RBFOX1: variants seen among roughly 807,000 people sequenced by gnomAD.
The protein encoded by RBFOX1 is RNA binding fox-1 homolog 1, also known as RNA binding protein fox-1 homolog 1.
A neutral mutation model predicts 57.7 loss-of-function variants in RBFOX1; 8 were observed. That is an observed-to-expected ratio of 0.14 (90% CI 0.08 to 0.25). RBFOX1 has a LOEUF of 0.25. Among genes scored for constraint, RBFOX1 ranks in the 10% least tolerant of loss-of-function variants. RBFOX1 has a pLI of 1.00. For missense variants in RBFOX1, 611 were observed against 548.5 expected (o/e 1.11, Z -1.14); for synonymous variants, 326 against 222.4 (o/e 1.47, Z -4.15).
chr16:7,135,815 G>T (rs950732082), intron 4 of RBFOX1, among the ~76,000 whole-genome samples: 1 of 152,164 alleles, frequency 6.6e-6, no homozygotes, highest in South Asian at 2.1e-4. Context: ...CTTATTTCTA[G>T]TCTTTTTGAC....
chr16:7,335,831 A>C (rs528011304), intron 4 of RBFOX1, among the ~76,000 whole-genome samples: 21 of 152,154 alleles, frequency 1.4e-4, no homozygotes, highest in African/African-American at 4.1e-4. Context: ...CCATTATTTT[A>C]TGTCTACACT....
chr16:6,702,307 A>G (rs995667552), intron 3 of RBFOX1, among the ~76,000 whole-genome samples: 3 of 152,172 alleles, frequency 2.0e-5, no homozygotes, highest in African/African-American at 7.2e-5. Context: ...TAAACCCAGT[A>G]CTTTGGAAGG....
chr16:5,752,320 C>G (rs78719975), intron 3 of RBFOX1, among the ~76,000 whole-genome samples: 1,885 of 152,238 alleles, frequency 0.012, 38 homozygotes, highest in African/African-American at 0.04. Flanking sequence ...GGAAAAACAA[C>G]TAATAGATAC....
intron 4 of RBFOX1, among the ~76,000 whole-genome samples, chr16:7,090,014 G>T (rs1159744291): frequency 6.6e-6 from 1 of 151,946 alleles, no homozygotes; most frequent in African/African-American, 2.4e-5. Flanking sequence ...AGGTTGGAGG[G>T]GTTTTCCATT....
intron 2 of RBFOX1, among the ~76,000 whole-genome samples, chr16:5,569,466 TTCTTC>T (rs2046200060): frequency 1.2e-5 from 1 of 82,866 alleles, no homozygotes; most frequent in Admixed American, 1.5e-4. Context: ...TTTTTTTTTT[TTCTTC>T]TTCTTTTTGG....
chr16:7,513,558 G>T (rs999593101), intron 4 of RBFOX1, among the ~76,000 whole-genome samples: 21 of 152,184 alleles, frequency 1.4e-4, no homozygotes, highest in South Asian at 4.1e-4. Context: ...CGTATACTCT[G>T]TAAGATGTTT....
chr16:6,276,936 C>A (rs1388141706), intron 1 of RBFOX1, among the ~76,000 whole-genome samples: 1 of 151,968 alleles, frequency 6.6e-6, no homozygotes, highest in Non-Finnish European at 1.5e-5. Context: ...TGCCACAGGA[C>A]AAGTGGTCAG....
intron 12 of RBFOX1, among the ~76,000 whole-genome samples, chr16:7,656,894 T>C (rs2066451575): frequency 6.6e-6 from 1 of 152,028 alleles, no homozygotes; most frequent in Non-Finnish European, 1.5e-5. Flanking sequence ...AAATATGGGG[T>C]ATATATAAGT....
At position 6,283,694 on chromosome 16, in the gene RBFOX1, C is replaced by T. The variant is rs994719013; in HGVS notation, c.-126-33301C>T. On this transcript the variant is annotated intron_variant, in intron 1 of 15. Coordinates refer to ENST00000550418, the MANE Select transcript of RBFOX1 (RefSeq NM_018723.4). ...TAGTGACGGAGTTTCACGTTGGCAC[C>T]CAGAGATCCTTCCAGAAGGAATATG... Among the ~76,000 whole-genome samples, 4 of 152,106 alleles carry T rather than the reference C, an allele frequency of 2.6e-5. No individual in the cohort carries two copies. The East Asian group carries it at 7.7e-4, about 29-fold the overall frequency.
intron 3 of RBFOX1, among the ~76,000 whole-genome samples, chr16:6,805,679 T>C (rs2086595621): frequency 6.7e-6 from 1 of 149,862 alleles, no homozygotes; most frequent in Non-Finnish European, 1.5e-5. Context: ...GCTGAAAACA[T>C]GTGAAATTAT....
At chr16:7,186,725 C>T (rs1376208475) in intron 4 of RBFOX1, among the ~76,000 whole-genome samples, 1 of 149,048 alleles carries the variant, frequency 6.7e-6, no homozygotes, top group Non-Finnish European at 1.5e-5. Context: ...ATCTTTGTGT[C>T]CTTAGAGATT....
rs181227309 is a variant in RBFOX1 at position 6,632,505 on chromosome 16, G to A, written c.-63-22098G>A. Among the ~76,000 whole-genome samples the A allele has an allele frequency of 8.8e-3, 1,334 of 152,296 alleles. 72 individuals are homozygous for A. The highest frequency in any genetic ancestry group is 0.078 in the Admixed American group (1,196 of 15,296). On this transcript the variant is annotated intron_variant, in intron 2 of 15. Coordinates refer to ENST00000550418, the MANE Select transcript of RBFOX1 (RefSeq NM_018723.4). ...CTAAGTGTCTGTGGCTGTTATCCAT[G>A]TGCAGAATAAAAGTCCACTTGAGGA...
intron 3 of RBFOX1, among the ~76,000 whole-genome samples, chr16:6,988,294 G>A (rs983888745): frequency 6.6e-6 from 1 of 152,154 alleles, no homozygotes; most frequent in Non-Finnish European, 1.5e-5. Context: ...CTTTAGAGCA[G>A]TGTAGTCTAT....
intron 5 of RBFOX1, among the ~76,000 whole-genome samples, chr16:7,577,884 G>A (rs1410013744): frequency 6.6e-6 from 1 of 152,202 alleles, no homozygotes; most frequent in East Asian, 1.9e-4. Flanking sequence ...GACAGAGCAA[G>A]ACCCAACTCC....
intron 1 of RBFOX1, among the ~76,000 whole-genome samples, chr16:6,096,464 C>A (rs1167165420): frequency 1.3e-5 from 2 of 152,122 alleles, no homozygotes; most frequent in Non-Finnish European, 2.9e-5. Context: ...TGATGCCCTG[C>A]ATATCCCCTG....
chr16:7,048,949 C>G (rs1049532586), intron 3 of RBFOX1, among the ~76,000 whole-genome samples: 1 of 152,164 alleles, frequency 6.6e-6, no homozygotes, highest in African/African-American at 2.4e-5. Flanking sequence ...AATATCAGTT[C>G]TGTTGGGTGT....
intron 1 of RBFOX1, among the ~76,000 whole-genome samples, chr16:5,434,814 T>C (rs2067867435): frequency 6.6e-6 from 1 of 152,198 alleles, no homozygotes; most frequent in South Asian, 2.1e-4. Context: ...ATTTATTCTC[T>C]TGGTTACCTG....
chr16:7,144,827 C>T (rs2074602928), intron 4 of RBFOX1, among the ~76,000 whole-genome samples: 2 of 152,150 alleles, frequency 1.3e-5, no homozygotes, highest in Non-Finnish European at 2.9e-5. Flanking sequence ...GTCTTTATGG[C>T]CCGAGAAGGT....
intron 2 of RBFOX1, among the ~76,000 whole-genome samples, chr16:6,396,116 A>G (rs1163825941): frequency 6.6e-6 from 1 of 150,740 alleles, no homozygotes; most frequent in Admixed American, 6.6e-5. Context: ...CTCTTATGGC[A>G]GTAACAGAGT....
Sources: allele counts gnomAD v4.1 joint callset (sites outside exome capture counted in the v4.1 genomes callset), GRCh38; gene constraint gnomAD v4.1.1; transcripts MANE v1.5; gene names NCBI Gene and HGNC (gene_info 2026-07-23, HGNC 2026-07-21).